The following TNNI3K variants were observed in gnomAD, a reference collection of about 807,000 sequenced individuals.
TNNI3K encodes the protein TNNI3 interacting kinase, also known as serine/threonine-protein kinase TNNI3K.
Under a neutral mutation model 114.5 loss-of-function variants are expected in TNNI3K, and 140 were observed. The ratio of observed to expected loss-of-function variants is 1.22; its 90% CI spans 1.07 to 1.41. TNNI3K has a LOEUF of 1.41. Ranked by LOEUF, TNNI3K falls within the 40% of genes most tolerant of loss-of-function variation. The pLI is 0.00. For missense variants in TNNI3K, 1,125 were observed against 1,007.6 expected, an observed-to-expected ratio of 1.12 and a Z score of -1.58; for synonymous variants, 347 against 347.5, an observed-to-expected ratio of 1.00 and a Z score of 0.02.
chr1:74,350,589 G>A (rs556463261), intron 9 of TNNI3K, among the ~76,000 whole-genome samples: 2 of 152,218 alleles, frequency 1.3e-5, no homozygotes, highest in Admixed American at 1.3e-4. Flanking sequence ...CATTATTATT[G>A]TATGGGAGTC....
chr1:74,508,119 T>C (rs577896428), intron 23 of TNNI3K, among the ~76,000 whole-genome samples: 1 of 152,308 alleles, frequency 6.6e-6, no homozygotes, highest in South Asian at 2.1e-4. Flanking sequence ...GAGGCAGGCA[T>C]GTGGATAGCT....
chr1:74,445,467 G>A (rs1173757599), intron 20 of TNNI3K, among the ~76,000 whole-genome samples: 74 of 137,066 alleles, frequency 5.4e-4, no homozygotes, highest in African/African-American at 9.6e-4. Flanking sequence ...GAGAATATGC[G>A]GTGTTTGGTT....
intron 23 of TNNI3K, among the ~76,000 whole-genome samples, chr1:74,523,768 A>C (rs1646466178): frequency 6.6e-6 from 1 of 152,186 alleles, no homozygotes; most frequent in Non-Finnish European, 1.5e-5. Context: ...GCCCTGTGGC[A>C]TGTGGTTTTC....
At chr1:74,400,468 C>T (rs963185708) in intron 17 of TNNI3K, among the ~76,000 whole-genome samples, 2 of 152,180 alleles carry the variant, frequency 1.3e-5, no homozygotes, top group African/African-American at 4.8e-5. Flanking sequence ...GCATGATCTC[C>T]TGGGCGGCCT....
chr1:74,375,449 A>C, intron 17 of TNNI3K: 2 of 403,766 alleles, frequency 5.0e-6, no homozygotes, highest in South Asian at 3.5e-5. Flanking sequence ...AAGATTAGAA[A>C]TAATGGTTTA....
intron 21 of TNNI3K, chr1:74,470,316 T>G: frequency 2.5e-6 from 1 of 400,724 alleles, no homozygotes; most frequent in Non-Finnish European, 4.4e-6. Context: ...TTAAGGTCAT[T>G]TGTGAGATCT....
chr1:74,391,049 C>G lies in TNNI3K; in HGVS notation c.1772+20657C>G, dbSNP rs141966875. ...AAATAAAATAAAACTTTAGCAAAAG[C>G]CACAACATGTATGTCCTGTGGGCCA... On this transcript the variant is annotated intron_variant, in intron 17 of 24. Coordinates refer to ENST00000326637, the MANE Select transcript of TNNI3K (RefSeq NM_015978.3). 8.1e-5 allele frequency among the ~76,000 whole-genome samples: 12 copies of G among 149,022 alleles called. 1 individual carries two copies. The East Asian group carries it at 2.4e-3, about 29-fold the overall frequency.
chr1:74,515,379 A>G (rs1646334974), intron 23 of TNNI3K, among the ~76,000 whole-genome samples: 1 of 152,190 alleles, frequency 6.6e-6, no homozygotes, highest in Non-Finnish European at 1.5e-5. Context: ...ATGAGACTTG[A>G]AAGACATTTT....
At chr1:74,301,598 T>C (rs530862294) in intron 5 of TNNI3K, among the ~76,000 whole-genome samples, 2 of 152,180 alleles carry the variant, frequency 1.3e-5, no homozygotes, top group Non-Finnish European at 2.9e-5. Context: ...AATTGATCCA[T>C]TGTGTCCTGG....
At chr1:74,479,705 G>A (rs1668382713) in intron 21 of TNNI3K, among the ~76,000 whole-genome samples, 1 of 152,150 alleles carries the variant, frequency 6.6e-6, no homozygotes. Context: ...ATACACCATG[G>A]AGAAGCACAC....
intron 21 of TNNI3K, among the ~76,000 whole-genome samples, chr1:74,485,216 A>C (rs1176602963): frequency 1.3e-5 from 2 of 152,226 alleles, no homozygotes; most frequent in Non-Finnish European, 1.5e-5. Flanking sequence ...TTTAAGAAGG[A>C]TGTAGCTCTT....
At chr1:74,282,539 A>C (rs1205718539) in intron 5 of TNNI3K, among the ~76,000 whole-genome samples, 1 of 151,998 alleles carries the variant, frequency 6.6e-6, no homozygotes, top group African/African-American at 2.4e-5. Flanking sequence ...TAATGACCTT[A>C]TTTTAACTTA....
chr1:74,314,754 C>T (rs1020359490), intron 5 of TNNI3K, among the ~76,000 whole-genome samples: 2 of 152,040 alleles, frequency 1.3e-5, no homozygotes, highest in African/African-American at 4.8e-5. Flanking sequence ...ATGTAATTGT[C>T]TTTGTTTCCT....
rs1327859465 is a variant in TNNI3K at position 74,354,000 on chromosome 1, C to T, written c.1048C>T (p.His350Tyr). The T allele has an allele frequency of 2.5e-6, 4 of 1,613,640 alleles. No individual in the cohort carries two copies. Among genetic ancestry groups the T allele is most frequent in the South Asian group, 1.1e-5 (1 of 91,022 alleles). The change falls in exon 11 of 25, where the codon CAC (histidine) becomes TAC (tyrosine). Residue 350 changes from histidine (H) to tyrosine (Y), a missense_variant. Transcript: ENST00000326637. The stretch of plus-strand genomic sequence containing the variant: ...TACAGGATTACACTCTGCTTGCTAC[C>T]ACGGTCACATTCGCCTGGTTCAGTT... ...GHTGLHSACY[H>Y]GHIRLVQFLL... is the part of the protein sequence containing the mutation.
chr1:74,515,300 G>T (rs1646333537), intron 23 of TNNI3K, among the ~76,000 whole-genome samples: 1 of 152,182 alleles, frequency 6.6e-6, no homozygotes, highest in Non-Finnish European at 1.5e-5. Flanking sequence ...TGCCCTTCCT[G>T]AGGGTCATAG....
At chr1:74,454,757 T>G (rs771841354) in intron 20 of TNNI3K, among the ~76,000 whole-genome samples, 29 of 152,196 alleles carry the variant, frequency 1.9e-4, no homozygotes, top group Non-Finnish European at 2.9e-4. Context: ...CTGGATAATA[T>G]GGTAGTACAA....
intron 5 of TNNI3K, among the ~76,000 whole-genome samples, chr1:74,288,888 A>G (rs1401392751): frequency 2.0e-5 from 3 of 152,044 alleles, no homozygotes; most frequent in East Asian, 1.9e-4. Flanking sequence ...AAATAAATAC[A>G]TACTTTTTAT....
intron 21 of TNNI3K, among the ~76,000 whole-genome samples, chr1:74,477,433 C>A (rs115267674): frequency 5.2e-4 from 79 of 152,150 alleles, no homozygotes; most frequent in African/African-American, 1.9e-3. Flanking sequence ...TTAGGTTTTG[C>A]ATTGCTCTAT....
At chr1:74,320,677 G>T (rs2100381042) in intron 5 of TNNI3K, among the ~76,000 whole-genome samples, 1 of 152,208 alleles carries the variant, frequency 6.6e-6, no homozygotes, top group Middle Eastern at 3.4e-3. Context: ...ATTAACCAAT[G>T]ACATAACGTT....
Sources: gnomAD v4.1 joint callset for allele counts (sites outside exome capture counted in the v4.1 genomes callset) on GRCh38, gnomAD v4.1.1 for gene constraint, MANE v1.5 for transcripts, NCBI Gene and HGNC (gene_info 2026-07-23, HGNC 2026-07-21) for gene names.